The following HCN1 variants were observed in gnomAD, a reference collection of about 807,000 sequenced individuals.
HCN1 encodes the protein potassium/sodium hyperpolarization-activated cyclic nucleotide-gated channel 1.
HCN1 carries 13 observed loss-of-function variants against 78.9 expected under a neutral mutation model. The ratio of observed to expected loss-of-function variants is 0.16; its 90% CI spans 0.11 to 0.26. HCN1 has a LOEUF of 0.26. HCN1 is among the 10% of genes least tolerant of loss of function. The pLI, the probability that HCN1 is intolerant of heterozygous loss-of-function variation, is 1.00. For synonymous variants in HCN1, 552 were observed against 455.5 expected (o/e 1.21, Z -2.70); for missense variants, 810 against 1,154.3 (o/e 0.70, Z 4.32).
intron 6 of HCN1, among the ~76,000 whole-genome samples, chr5:45,271,894 C>T (rs1390304537): frequency 6.6e-6 from 1 of 152,008 alleles, no homozygotes; most frequent in East Asian, 1.9e-4. Flanking sequence ...AACTCATCAG[C>T]CATTACCTTG....
intron 3 of HCN1, among the ~76,000 whole-genome samples, chr5:45,406,009 A>T (rs184364562): frequency 1.3e-4 from 20 of 152,302 alleles, no homozygotes; most frequent in Admixed American, 7.9e-4. Flanking sequence ...GATGCTTGAT[A>T]TCACAGATTT....
chr5:45,384,091 G>A (rs947011765), intron 4 of HCN1, among the ~76,000 whole-genome samples: 1 of 152,074 alleles, frequency 6.6e-6, no homozygotes, highest in Non-Finnish European at 1.5e-5. Flanking sequence ...ACTAAATAGG[G>A]AGAATAACTC....
intron 2 of HCN1, among the ~76,000 whole-genome samples, chr5:45,639,655 A>G (rs1459517826): frequency 6.6e-6 from 1 of 152,190 alleles, no homozygotes; most frequent in South Asian, 2.1e-4. Context: ...TATTTCATTA[A>G]CCGATACAAA....
intron 2 of HCN1, among the ~76,000 whole-genome samples, chr5:45,631,910 T>C (rs1427342424): frequency 6.6e-6 from 1 of 152,144 alleles, no homozygotes; most frequent in African/African-American, 2.4e-5. Context: ...AAATAATAAC[T>C]GAACAAAATA....
At chr5:45,428,381 G>A (rs544142147) in intron 3 of HCN1, among the ~76,000 whole-genome samples, 1 of 151,480 alleles carries the variant, frequency 6.6e-6, no homozygotes, top group East Asian at 1.9e-4. Context: ...GTTTCTCTTG[G>A]GTCCTTACTT....
At chr5:45,492,593 C>T (rs1335086123) in intron 2 of HCN1, among the ~76,000 whole-genome samples, 1 of 148,820 alleles carries the variant, frequency 6.7e-6, no homozygotes, top group African/African-American at 2.5e-5. Context: ...CCTCCACCTC[C>T]CCGGTTCAAG....
At chr5:45,362,309 T>A (rs902095583) in intron 4 of HCN1, among the ~76,000 whole-genome samples, 1 of 152,040 alleles carries the variant, frequency 6.6e-6, no homozygotes, top group African/African-American at 2.4e-5. Context: ...ATTTAAAGCA[T>A]TTTATGCTGT....
intron 2 of HCN1, among the ~76,000 whole-genome samples, chr5:45,515,279 T>A (rs529898270): frequency 6.6e-6 from 1 of 151,988 alleles, no homozygotes. Flanking sequence ...GCTCTCATTA[T>A]CAGAAGGTAT....
intron 2 of HCN1, among the ~76,000 whole-genome samples, chr5:45,487,769 G>A (rs1741798319): frequency 6.6e-6 from 1 of 151,996 alleles, no homozygotes; most frequent in African/African-American, 2.4e-5. Context: ...CACACAACAA[G>A]GTTTGAAGAA....
At chr5:45,311,812 A>T (rs1230103228) in intron 5 of HCN1, among the ~76,000 whole-genome samples, 1 of 152,198 alleles carries the variant, frequency 6.6e-6, no homozygotes, top group African/African-American at 2.4e-5. Flanking sequence ...GCAGAGGAAG[A>T]GTACACTGGT....
At chr5:45,555,653 A>G in intron 2 of HCN1, among the ~76,000 whole-genome samples, 1 of 151,882 alleles carries the variant, frequency 6.6e-6, no homozygotes, top group Non-Finnish European at 1.5e-5. Context: ...ATTATACTAC[A>G]AAGCTATGGT....
intron 2 of HCN1, chr5:45,558,800 G>T (rs1293287955): frequency 6.6e-6 from 1 of 151,616 alleles, no homozygotes; most frequent in Non-Finnish European, 1.5e-5. Context: ...ACAGGATCTT[G>T]CTCTGTCACC....
chr5:45,649,040 C>T (rs1483837506), intron 1 of HCN1, among the ~76,000 whole-genome samples: 5 of 151,914 alleles, frequency 3.3e-5, no homozygotes, highest in Non-Finnish European at 7.4e-5. Flanking sequence ...ACAAGCATCC[C>T]ATATCTCAGG....
chr5:45,590,224 A>G (rs1407415104), intron 2 of HCN1, among the ~76,000 whole-genome samples: 3 of 152,204 alleles, frequency 2.0e-5, no homozygotes, highest in Non-Finnish European at 4.4e-5. Context: ...TCCATAAAAT[A>G]CATTAGCTAA....
intron 1 of HCN1, among the ~76,000 whole-genome samples, chr5:45,653,738 G>A (rs1325498875): frequency 6.6e-6 from 1 of 151,994 alleles, no homozygotes; most frequent in Non-Finnish European, 1.5e-5. Flanking sequence ...CATGGACACA[G>A]GAAGGGAAAC....
At chr5:45,517,926 T>G (rs992076346) in intron 2 of HCN1, among the ~76,000 whole-genome samples, 1 of 152,078 alleles carries the variant, frequency 6.6e-6, no homozygotes, top group African/African-American at 2.4e-5. Flanking sequence ...TTTTAGCCAC[T>G]GTAATATAAG....
chr5:45,293,345 T>A (rs1055343262), intron 6 of HCN1, among the ~76,000 whole-genome samples: 1 of 151,906 alleles, frequency 6.6e-6, no homozygotes, highest in African/African-American at 2.4e-5. Context: ...TCTTTAATGA[T>A]CAGTGATATT....
At chr5:45,410,500 A>G (rs1003657567) in intron 3 of HCN1, among the ~76,000 whole-genome samples, 50 of 152,056 alleles carry the variant, frequency 3.3e-4, no homozygotes, top group African/African-American at 1.2e-3. Context: ...TAGAACATGA[A>G]TGACGTCAGT....
intron 1 of HCN1, among the ~76,000 whole-genome samples, chr5:45,684,810 C>T (rs1035036556): frequency 6.6e-6 from 1 of 152,072 alleles, no homozygotes; most frequent in African/African-American, 2.4e-5. Flanking sequence ...TGCAGTGAGC[C>T]GTGATCATGC....
Sources: allele counts gnomAD v4.1 joint callset (sites outside exome capture counted in the v4.1 genomes callset), GRCh38; gene constraint gnomAD v4.1.1; transcripts MANE v1.5; gene names NCBI Gene and HGNC (gene_info 2026-07-23, HGNC 2026-07-21).